BCKDHB: variants seen among roughly 807,000 people sequenced by gnomAD.
The protein encoded by BCKDHB is branched chain keto acid dehydrogenase E1 subunit beta, also known as 2-oxoisovalerate dehydrogenase subunit beta, mitochondrial.
In BCKDHB, 41 loss-of-function variants were observed where a neutral mutation model predicts 48.5. That is an observed-to-expected ratio of 0.85 (90% confidence interval 0.66 to 1.10). The LOEUF (loss-of-function observed/expected upper bound fraction) is 1.10. Among genes scored for constraint, BCKDHB ranks in the 50% least tolerant of loss-of-function variants. The pLI, the probability that BCKDHB is intolerant of heterozygous loss-of-function variation, is 0.00. For synonymous variants in BCKDHB, 201 were observed against 174.8 expected, an observed-to-expected ratio of 1.15 and a Z score of -1.18; for missense variants, 496 against 494.2, an observed-to-expected ratio of 1.00 and a Z score of -0.03.
At chr6:80,324,656 C>T (rs1768939819) in intron 9 of BCKDHB, among the ~76,000 whole-genome samples, 1 of 152,116 alleles carries the variant, frequency 6.6e-6, no homozygotes, top group Non-Finnish European at 1.5e-5. Context: ...AATTTTGATA[C>T]ACCTTTCCCT....
At chr6:80,435,938 T>G in the BCKDHB span, among the ~76,000 whole-genome samples, 1 of 151,916 alleles carries the variant, frequency 6.6e-6, no homozygotes, top group African/African-American at 2.4e-5. Context: ...GAGGCTGAGG[T>G]GGGAGAATCG....
the BCKDHB span, among the ~76,000 whole-genome samples, chr6:80,365,562 GCAGT>G: frequency 6.6e-6 from 1 of 152,098 alleles, no homozygotes; most frequent in South Asian, 2.1e-4. Context: ...GACCCCTCAG[GCAGT>G]CAGACCTAAT....
chr6:80,243,925 T>C (rs1423212424), intron 8 of BCKDHB, among the ~76,000 whole-genome samples: 1 of 152,254 alleles, frequency 6.6e-6, no homozygotes, highest in Non-Finnish European at 1.5e-5. Context: ...TATGTTTGTC[T>C]ATTTCAATAA....
chr6:80,249,542 A>G (rs1285902726), intron 8 of BCKDHB, among the ~76,000 whole-genome samples: 2 of 152,178 alleles, frequency 1.3e-5, no homozygotes, highest in African/African-American at 4.8e-5. Flanking sequence ...GACATGTTGT[A>G]CTCCAAATAG....
intron 9 of BCKDHB, among the ~76,000 whole-genome samples, chr6:80,333,225 C>A (rs4706114): frequency 0.78 from 117,957 of 152,002 alleles, 46,143 homozygotes; most frequent in Admixed American, 0.84. Context: ...TAACCAGGAG[C>A]CTTGGTGCAT....
the BCKDHB span, among the ~76,000 whole-genome samples, chr6:80,458,042 G>A: frequency 6.6e-6 from 1 of 152,118 alleles, no homozygotes; most frequent in Admixed American, 6.6e-5. Context: ...TTAAAAGCAG[G>A]GAACTATTCT....
chr6:80,222,841 A>G (rs1775521368), intron 8 of BCKDHB, among the ~76,000 whole-genome samples: 1 of 152,204 alleles, frequency 6.6e-6, no homozygotes, highest in African/African-American at 2.4e-5. Context: ...AAGCACATAC[A>G]TTTAGTCTAT....
At chr6:80,250,840 T>C (rs540829554) in intron 8 of BCKDHB, among the ~76,000 whole-genome samples, 6 of 152,306 alleles carry the variant, frequency 3.9e-5, no homozygotes, top group South Asian at 2.1e-4. Flanking sequence ...TTAACCTCTC[T>C]AGTCCTAACC....
At chr6:80,365,234 A>G in the BCKDHB span, among the ~76,000 whole-genome samples, 4,747 of 133,052 alleles carry the variant, frequency 0.036, no homozygotes, top group South Asian at 0.1. Flanking sequence ...TGGTGCATGT[A>G]TTGTCTTGAT....
At chr6:80,110,083 A>G (rs998419552) in intron 1 of BCKDHB, among the ~76,000 whole-genome samples, 4 of 152,246 alleles carry the variant, frequency 2.6e-5, no homozygotes, top group African/African-American at 9.6e-5. Context: ...GGTACTGCTT[A>G]AAAGGAGGTA....
chr6:80,200,812 C>T (rs1774354196), intron 6 of BCKDHB, 122 bp from the exon 7 acceptor site: 2 of 778,662 alleles, frequency 2.6e-6, no homozygotes, highest in South Asian at 3.2e-5. Context: ...TTAAGTAATA[C>T]AGAATTTAGA....
chr6:80,217,995 CAT>C (rs1404528817), intron 8 of BCKDHB, among the ~76,000 whole-genome samples: 1 of 152,170 alleles, frequency 6.6e-6, no homozygotes, highest in Non-Finnish European at 1.5e-5. Context: ...AGCCAAGAGA[CAT>C]AGTGCATGGT....
chr6:80,349,712 A>C (rs1168501394), downstream of BCKDHB, among the ~76,000 whole-genome samples: 1 of 152,218 alleles, frequency 6.6e-6, no homozygotes, highest in Non-Finnish European at 1.5e-5. Context: ...CAAAAGGAAT[A>C]CATCATAGTG....
chr6:80,458,814 A>G, the BCKDHB span, among the ~76,000 whole-genome samples: 2 of 152,186 alleles, frequency 1.3e-5, no homozygotes, highest in Non-Finnish European at 2.9e-5. Flanking sequence ...ATTTCTATGT[A>G]GTTCACTGTG....
chr6:80,271,034 C>T (rs945151728), intron 8 of BCKDHB, among the ~76,000 whole-genome samples: 1 of 152,078 alleles, frequency 6.6e-6, no homozygotes. Flanking sequence ...GTAAAAGTCT[C>T]TTTCCTACAC....
chr6:80,362,498 T>C, the BCKDHB span, among the ~76,000 whole-genome samples: 1 of 152,280 alleles, frequency 6.6e-6, no homozygotes, highest in Admixed American at 6.5e-5. Context: ...GTGTCTTTTC[T>C]TGTGGGAATA....
chr6:80,424,353 C>G, the BCKDHB span, among the ~76,000 whole-genome samples: 1 of 152,102 alleles, frequency 6.6e-6, no homozygotes, highest in Non-Finnish European at 1.5e-5. Context: ...TTTCTGATGT[C>G]AAGACTGAAA....
the BCKDHB span, among the ~76,000 whole-genome samples, chr6:80,450,743 T>C: frequency 6.6e-6 from 1 of 152,140 alleles, no homozygotes; most frequent in Non-Finnish European, 1.5e-5. Flanking sequence ...TTTAATATGT[T>C]GTAGCTTTAG....
intron 9 of BCKDHB, among the ~76,000 whole-genome samples, chr6:80,311,697 G>A (rs1768172835): frequency 6.6e-6 from 1 of 152,108 alleles, no homozygotes; most frequent in Non-Finnish European, 1.5e-5. Context: ...TTTCTCCATT[G>A]CTTGTTTTTG....
Sources: gnomAD v4.1 joint callset for allele counts (sites outside exome capture counted in the v4.1 genomes callset) on GRCh38, gnomAD v4.1.1 for gene constraint, MANE v1.5 for transcripts, NCBI Gene and HGNC (gene_info 2026-07-23, HGNC 2026-07-21) for gene names.